Variants in PPFIA4 observed in about 807,000 individuals in gnomAD.
PPFIA4 encodes the protein PPFI scaffold protein A4.
In PPFIA4, 98 loss-of-function variants were observed where a neutral mutation model predicts 145.7. The observed-to-expected ratio is 0.67, with a 90% confidence interval of 0.57 to 0.80. The LOEUF is 0.80. Ranked by LOEUF, PPFIA4 falls within the 30% of genes least tolerant of loss-of-function variation. The pLI is 0.00. For synonymous variants in PPFIA4, 628 were observed against 649.6 expected (o/e 0.97, Z 0.51); for missense variants, 1,457 against 1,632.7 (o/e 0.89, Z 1.85).
chr1:203,029,951 A>T (rs772811466), intron 1 of PPFIA4, among the ~76,000 whole-genome samples: 2 of 152,174 alleles, frequency 1.3e-5, no homozygotes, highest in Non-Finnish European at 2.9e-5. Flanking sequence ...TGTCAGATGA[A>T]ATAGCTGATT....
At chr1:203,035,199 C>T in intron 1 of PPFIA4, 2 of 429,012 alleles carry the variant, frequency 4.7e-6, no homozygotes, top group South Asian at 3.2e-5. Context: ...CCTGGAGGCT[C>T]CCTTTTTGCC....
chr1:203,028,484 G>A (rs1658579079), intron 1 of PPFIA4, among the ~76,000 whole-genome samples: 1 of 152,192 alleles, frequency 6.6e-6, no homozygotes, highest in Non-Finnish European at 1.5e-5. Flanking sequence ...GGCTCAGCAG[G>A]GCTGGGGAGC....
In PPFIA4 at chr1:203,055,374, G is replaced by T; in HGVS notation, c.1830-58G>T. 6.2e-7 allele frequency: 1 copy of T among 1,606,986 alleles called. No individual in the cohort carries two copies. The highest frequency in any genetic ancestry group is 8.5e-7 in the Non-Finnish European group (1 of 1,174,470). On this transcript the variant is annotated intron_variant, in intron 15 of 29. Transcript: ENST00000295706. This position sits in a 1 kb window ranked among gnomAD's most constrained non-coding sequence, Gnocchi z 4.8. ...GCGAGTGCAGGCATCGACCCGCACT[G>T]CCTCCTGCTGGTCCTGGCTGGGGCT...
rs11580190 is a variant in PPFIA4, at chr1:203,075,969, T to C, written c.3574+212T>C. On this transcript the variant is annotated intron_variant, in intron 29 of 29. Coordinates refer to ENST00000295706, the MANE Select transcript of PPFIA4 (RefSeq NM_001304331.2). This position sits in a 1 kb window ranked among gnomAD's most constrained non-coding sequence, Gnocchi z 4.1. ...CCCGCGGCTGCCGACTTCTCCCAGC[T>C]GGGACGGCGGGGTCGCAGAGACTGG... 0.37 allele frequency: 206,060 copies of C among 556,334 alleles called. 39,371 individuals carry two copies. Among genetic ancestry groups the C allele is most frequent in the African/African-American group, 0.44 (22,576 of 50,788 alleles). 34.5% of individuals were successfully genotyped at this position (556,334 alleles called of 1,614,324 possible). A position where few individuals can be genotyped will look rare whatever the true frequency, so the allele number is the denominator to read the frequency against.
chr1:203,052,476 C>A (rs979433425), intron 14 of PPFIA4, among the ~76,000 whole-genome samples: 2 of 152,116 alleles, frequency 1.3e-5, no homozygotes, highest in Non-Finnish European at 2.9e-5. Flanking sequence ...ATTTAGAGCA[C>A]TGGGGTATTA....
chr1:203,034,584 A>G, intron 1 of PPFIA4: 1 of 456,414 alleles, frequency 2.2e-6, no homozygotes, highest in Non-Finnish European at 4.4e-6. Context: ...AGCTGCCTAC[A>G]ACTTGGTGTG....
rs1219496453 is a variant in PPFIA4, at chr1:203,048,968, G to A, written c.1407G>A (p.Gln469=). 6.5e-7 allele frequency: 1 copy of A among 1,548,442 alleles called. No homozygotes were observed. The highest frequency in any genetic ancestry group is 8.7e-7 in the Non-Finnish European group (1 of 1,146,822). ...GCTCCCAGCGGCAGATTGAGGAGCA[G>A]CACCACCACAAGGTACCCGGCTGCG... ...LESSQRQIEE[Q]HHHKGRLSEE... The change falls in exon 12 of 30, where the codon CAG becomes CAA. Residue 469 remains glutamine, a synonymous_variant. Coordinates refer to ENST00000295706, the MANE Select transcript of PPFIA4 (RefSeq NM_001304331.2). This position sits in a 1 kb window ranked among gnomAD's most constrained non-coding sequence, Gnocchi z 5.8.
chr1:203,065,297 C>T (rs1661654779), intron 25 of PPFIA4, among the ~76,000 whole-genome samples: 1 of 152,192 alleles, frequency 6.6e-6, no homozygotes, highest in African/African-American at 2.4e-5. Flanking sequence ...GGGAAGACCG[C>T]ATCCTCCCCT....
At chr1:203,036,356 TC>T (rs1659250799) in intron 1 of PPFIA4, among the ~76,000 whole-genome samples, 1 of 152,080 alleles carries the variant, frequency 6.6e-6, no homozygotes, top group Non-Finnish European at 1.5e-5. Context: ...GTCTCCTGAG[TC>T]CCTGCTCTGG....
rs150446298 is a variant in PPFIA4 at position 203,055,332 on chromosome 1, G to T, written c.1830-100G>T. 8 of 1,492,082 alleles carry T rather than the reference G, an allele frequency of 5.4e-6. No individual in the cohort carries two copies. The Admixed American group carries it at 1.2e-4, about 22-fold the overall frequency. 92.4% of individuals were successfully genotyped at this position (1,492,082 alleles called of 1,614,324 possible). The stretch of plus-strand genomic sequence containing the variant: ...AGACAAAGCCTGGCGGGTGTACACC[G>T]CATGTGGTCCTTGGTGGCGAGTGCA... On this transcript the variant is annotated intron_variant, in intron 15 of 29. Transcript: ENST00000295706. This position sits in a 1 kb window ranked among gnomAD's most constrained non-coding sequence, Gnocchi z 4.8.
Position 203,039,163 on chromosome 1 carries a change from C to G in PPFIA4, c.155C>G (p.Ala52Gly). The G allele has an allele frequency of 6.2e-7, 1 of 1,606,748 alleles. No homozygotes were observed. The highest frequency in any genetic ancestry group is 8.5e-7 in the Non-Finnish European group (1 of 1,177,044). ...CTTCGGGAGAGTCAGGAGACCTTGG[C>G]GGCCACACAGAGCCGGCTCCAGGAT... ...ESLRESQETL[A>G]ATQSRLQDAI... Residue 52 changes from alanine to glycine, a missense_variant, in exon 2 of 30, where the codon GCG becomes GGG. Coordinates refer to ENST00000295706, the MANE Select transcript of PPFIA4 (RefSeq NM_001304331.2).
chr1:203,031,430 ACACT>A (rs1278960497), intron 1 of PPFIA4, among the ~76,000 whole-genome samples: 2 of 150,174 alleles, frequency 1.3e-5, no homozygotes, highest in African/African-American at 4.9e-5. Context: ...GATCACACAC[ACACT>A]CTGTTGCATG....
chr1:203,034,388 A>G (rs1158969838), intron 1 of PPFIA4: 2 of 451,366 alleles, frequency 4.4e-6, no homozygotes, highest in Admixed American at 2.4e-5. Context: ...GGTGAGGGCC[A>G]GGCTTCTGGG....
At chr1:203,033,899 C>G (rs901062076) in intron 1 of PPFIA4, among the ~76,000 whole-genome samples, 2 of 152,192 alleles carry the variant, frequency 1.3e-5, no homozygotes, top group African/African-American at 4.8e-5. Flanking sequence ...AGGAGAATCA[C>G]TTGAACCCGG....
In PPFIA4 at chr1:203,026,513, G is replaced by A. The variant is rs1658383289; in HGVS notation, c.-516G>A. On this transcript the variant is annotated 5_prime_UTR_variant, in exon 1 of 30. Transcript: ENST00000295706. ...CCCGCGGCCGCGCGCTTGGGCGGCG[G>A]AGGCTGCAGCTACCTCGGCGCCGGC... 1 of 152,316 alleles carries A rather than the reference G, an allele frequency of 6.6e-6. No individual in the cohort carries two copies. The highest frequency in any genetic ancestry group is 6.5e-5 in the Admixed American group (1 of 15,282). 9.4% of individuals were successfully genotyped at this position (152,316 alleles called of 1,614,324 possible). A position where few individuals can be genotyped will look rare whatever the true frequency, so the allele number is the denominator to read the frequency against.
At position 203,078,643 on chromosome 1, in the gene PPFIA4, T is replaced by A. The variant is rs1050364751; in HGVS notation, c.*2253T>A. On this transcript the variant is annotated 3_prime_UTR_variant, in exon 30 of 30. Transcript: ENST00000295706. ...GGTCCCTTCTCAGTACTGTATTTGC[T>A]CAGTGCATCAGGAATGGGTGTATGG... 2.0e-5 allele frequency: 3 copies of A among 152,192 alleles called. No individual in the cohort carries two copies. The highest frequency in any genetic ancestry group is 7.3e-5 in the African/African-American group (3 of 41,228). The allele number at this position is 152,192 out of a possible 1,614,324, so 9.4% of individuals were successfully genotyped here. A position where few individuals can be genotyped will look rare whatever the true frequency, so the allele number is the denominator to read the frequency against.
At position 203,043,490 on chromosome 1, in the gene PPFIA4, A is replaced by C; in HGVS notation, c.328A>C (p.Asn110His). The C allele has an allele frequency of 6.2e-7, 1 of 1,607,770 alleles. No homozygotes were observed. The highest frequency in any genetic ancestry group is 8.5e-7 in the Non-Finnish European group (1 of 1,177,384). ...ATCAGAACTGAAAGCAGAACGGAAT[A>C]ACACACGGGTAAGTGGGGATGACCT... Reference protein sequence around the residue: ...EISELKAERNNTRLLLEHLEC... With the variant: ...EISELKAERNHTRLLLEHLEC... The change falls in exon 3 of 30, where the codon AAC becomes CAC. Residue 110 changes from asparagine (N) to histidine (H), a missense_variant. Around this residue, in one of 3 missense-constraint regions of PPFIA4, gnomAD observed 463 missense variants for 459.8 expected, o/e 1.01. Transcript: ENST00000295706. The surrounding 1 kb of genome is among the most constrained non-coding windows in gnomAD (Gnocchi z 4.4).
intron 18 of PPFIA4, 132 bp from the exon 19 acceptor site, chr1:203,056,652 C>G: frequency 2.3e-6 from 3 of 1,317,978 alleles, no homozygotes; most frequent in Non-Finnish European, 3.1e-6. Flanking sequence ...GAAGGGAGTT[C>G]ATGTGTCTCC....
intron 19 of PPFIA4, 71 bp from the exon 20 acceptor site, chr1:203,059,107 C>A: frequency 7.9e-7 from 1 of 1,258,756 alleles, no homozygotes. Context: ...TGCTTCTGTT[C>A]CCCACCCCTG....
Sources: allele counts gnomAD v4.1 joint callset (sites outside exome capture counted in the v4.1 genomes callset), GRCh38; gene constraint gnomAD v4.1.1; regional missense constraint gnomAD v4.1.1; non-coding constraint Gnocchi (gnomAD v3.1); transcripts MANE v1.5; gene names NCBI Gene and HGNC (gene_info 2026-07-23, HGNC 2026-07-21).